POU6F2: variants seen among roughly 807,000 people sequenced by gnomAD.
POU6F2 encodes POU domain, class 6, transcription factor 2.
Under a neutral mutation model 71.3 loss-of-function variants are expected in POU6F2, and 31 were observed. The observed-to-expected ratio is 0.43, with a 90% confidence interval of 0.33 to 0.59. POU6F2 has a LOEUF of 0.59. Ranked by LOEUF, POU6F2 falls within the 20% of genes least tolerant of loss-of-function variation. The probability of loss-of-function intolerance (pLI) is 0.04; values close to 1 mark genes in which losing one functional copy is unlikely to be tolerated. For missense variants in POU6F2, 783 were observed against 856.8 expected (o/e 0.91, Z 1.07); for synonymous variants, 347 against 355.7 (o/e 0.98, Z 0.27).
chr7:39,361,713 C>G (rs1786392913), intron 5 of POU6F2, among the ~76,000 whole-genome samples: 1 of 152,188 alleles, frequency 6.6e-6, no homozygotes, highest in African/African-American at 2.4e-5. Context: ...TTTTATGTAA[C>G]ATACTTTGAG....
intron 4 of POU6F2, among the ~76,000 whole-genome samples, chr7:39,224,843 C>T (rs927513187): frequency 2.6e-5 from 4 of 152,146 alleles, no homozygotes; most frequent in Non-Finnish European, 4.4e-5. Flanking sequence ...CTGGAGGGCC[C>T]CTCAGCAGAT....
At chr7:39,382,690 A>G (rs1453661052) in intron 5 of POU6F2, among the ~76,000 whole-genome samples, 2 of 152,238 alleles carry the variant, frequency 1.3e-5, no homozygotes, top group African/African-American at 4.8e-5. Context: ...GAACTCAAGC[A>G]AGAGCAAATG....
At chr7:39,015,444 T>C (rs1256711573) in intron 1 of POU6F2, among the ~76,000 whole-genome samples, 5 of 126,526 alleles carry the variant, frequency 4.0e-5, no homozygotes, top group South Asian at 2.3e-4. Context: ...ATATATAATC[T>C]AATATATATT....
chr7:39,265,401 G>C (rs569338099), intron 4 of POU6F2, among the ~76,000 whole-genome samples: 6 of 152,256 alleles, frequency 3.9e-5, no homozygotes, highest in African/African-American at 9.6e-5. Flanking sequence ...GAGAAAACCA[G>C]AGTTTCCCAA....
intron 4 of POU6F2, among the ~76,000 whole-genome samples, chr7:39,317,310 G>A (rs1323812903): frequency 2.0e-5 from 3 of 152,196 alleles, no homozygotes; most frequent in African/African-American, 7.2e-5. Flanking sequence ...CCGATGGCTT[G>A]TAAAAAGCCA....
intron 4 of POU6F2, among the ~76,000 whole-genome samples, chr7:39,273,465 G>C (rs1256660967): frequency 6.6e-6 from 1 of 152,190 alleles, no homozygotes; most frequent in African/African-American, 2.4e-5. Context: ...GGAAAACTTA[G>C]ATGGAGGGGC....
At chr7:38,997,128 G>A (rs943681566) in intron 1 of POU6F2, among the ~76,000 whole-genome samples, 3 of 150,886 alleles carry the variant, frequency 2.0e-5, no homozygotes, top group African/African-American at 7.3e-5. Context: ...GAAACTGGGA[G>A]AAGAACCCAG....
intron 1 of POU6F2, among the ~76,000 whole-genome samples, chr7:39,050,918 G>A (rs1350387001): frequency 6.6e-6 from 1 of 152,098 alleles, no homozygotes; most frequent in East Asian, 1.9e-4. Context: ...CACTGTAATG[G>A]TTGTTTCTGA....
At chr7:39,008,477 G>C (rs1234857618) in intron 1 of POU6F2, among the ~76,000 whole-genome samples, 1 of 150,424 alleles carries the variant, frequency 6.6e-6, no homozygotes, top group East Asian at 2.0e-4. Flanking sequence ...TAGGTTGCCT[G>C]TTCACTCTGA....
chr7:39,053,070 G>A (rs972819871), intron 1 of POU6F2, among the ~76,000 whole-genome samples: 1 of 152,078 alleles, frequency 6.6e-6, no homozygotes, highest in African/African-American at 2.4e-5. Flanking sequence ...GTATATTGAA[G>A]AAGTAGAATA....
At chr7:39,303,155 TG>T (rs1784982794) in intron 4 of POU6F2, among the ~76,000 whole-genome samples, 1 of 152,204 alleles carries the variant, frequency 6.6e-6, no homozygotes, top group African/African-American at 2.4e-5. Flanking sequence ...TTTTGTTTTT[TG>T]TTTTTTTGGT....
At chr7:39,427,772 T>G (rs1788006901) in intron 6 of POU6F2, among the ~76,000 whole-genome samples, 1 of 152,220 alleles carries the variant, frequency 6.6e-6, no homozygotes, top group African/African-American at 2.4e-5. Context: ...GCAACAAGAT[T>G]ACTTGTCAAT....
rs145472971 is a variant in POU6F2 at position 39,148,754 on chromosome 7, T to C, written c.278-55481T>C. On this transcript the variant is annotated intron_variant, in intron 2 of 9. Coordinates refer to ENST00000518318, the MANE Select transcript of POU6F2 (RefSeq NM_001370959.1). ...AAGAGGTTAAGTGACTTGTCTAAAT[T>C]AACCTAGCTAGTGAAACACAGATCT... is the stretch of plus-strand genomic sequence containing the variant. Among the ~76,000 whole-genome samples, 6 of 152,296 alleles carry C rather than the reference T, an allele frequency of 3.9e-5. No individual in the cohort carries two copies. In the East Asian group the frequency reaches 1.2e-3, roughly 29 times the overall value.
chr7:38,984,069 T>C (rs1788399678), intron 1 of POU6F2, among the ~76,000 whole-genome samples: 1 of 152,052 alleles, frequency 6.6e-6, no homozygotes, highest in Non-Finnish European at 1.5e-5. Flanking sequence ...TTTTTAATTA[T>C]AAGACAAAAA....
intron 1 of POU6F2, among the ~76,000 whole-genome samples, chr7:39,036,813 T>G (rs1790075671): frequency 6.6e-6 from 1 of 151,944 alleles, no homozygotes. Context: ...TTATTCCATT[T>G]AATTCACAGT....
chr7:39,421,901 A>G (rs1787858710), intron 6 of POU6F2, among the ~76,000 whole-genome samples: 1 of 152,224 alleles, frequency 6.6e-6, no homozygotes, highest in Admixed American at 6.5e-5. Flanking sequence ...TGGCATCAAC[A>G]GGCAGAAGCA....
At chr7:39,130,637 A>G (rs1182120299) in intron 2 of POU6F2, among the ~76,000 whole-genome samples, 1 of 150,834 alleles carries the variant, frequency 6.6e-6, no homozygotes, top group African/African-American at 2.4e-5. Flanking sequence ...TCACTGAATC[A>G]TAATAGAGTT....
chr7:39,109,944 C>T (rs1272285915), intron 2 of POU6F2, among the ~76,000 whole-genome samples: 3 of 152,126 alleles, frequency 2.0e-5, no homozygotes, highest in Non-Finnish European at 4.4e-5. Context: ...ATTTTGTGAG[C>T]TAATTGTTAA....
At chr7:39,031,999 G>A (rs1374822789) in intron 1 of POU6F2, among the ~76,000 whole-genome samples, 1 of 152,082 alleles carries the variant, frequency 6.6e-6, no homozygotes, top group Non-Finnish European at 1.5e-5. Context: ...CACTGAATCC[G>A]ACTTGTGAAT....
Sources: allele counts gnomAD v4.1 joint callset (sites outside exome capture counted in the v4.1 genomes callset), GRCh38; gene constraint gnomAD v4.1.1; transcripts MANE v1.5; gene names NCBI Gene and HGNC (gene_info 2026-07-23, HGNC 2026-07-21).